PCLO: variants seen among roughly 807,000 people sequenced by gnomAD.
PCLO encodes the protein protein piccolo.
PCLO carries 82 observed loss-of-function variants against 427.5 expected under a neutral mutation model. The observed-to-expected ratio is 0.19, with a 90% CI of 0.16 to 0.23. The LOEUF (loss-of-function observed/expected upper bound fraction) is 0.23, where lower values mean the gene tolerates loss of function less well. Ranked by LOEUF, PCLO falls within the 10% of genes least tolerant of loss-of-function variation. PCLO has a pLI of 1.00. For missense variants in PCLO, 6,239 were observed against 6,115.9 expected (o/e 1.02, Z -0.67); for synonymous variants, 2,357 against 2,155.4 (o/e 1.09, Z -2.59).
chr7:83,093,492 A>ATTTTTTTTTTTTTTTT (rs1169852004), intron 3 of PCLO, among the ~76,000 whole-genome samples: 2 of 59,322 alleles, frequency 3.4e-5, no homozygotes, highest in African/African-American at 5.4e-5. Flanking sequence ...ATATATATAT[A>ATTTTTTTTTTTTTTTT]TTTTTTTTTT....
intron 3 of PCLO, among the ~76,000 whole-genome samples, chr7:83,064,058 A>G (rs1464101238): frequency 6.6e-6 from 1 of 152,062 alleles, no homozygotes; most frequent in East Asian, 1.9e-4. Flanking sequence ...GAGAATGGTA[A>G]GTTGAATTCA....
chr7:82,881,944 G>A (rs1309461560), intron 9 of PCLO, among the ~76,000 whole-genome samples: 2 of 151,978 alleles, frequency 1.3e-5, no homozygotes, highest in Non-Finnish European at 2.9e-5. Context: ...GTGCCCAGCT[G>A]CTATTGTTTC....
chr7:82,969,813 C>T (rs1300658918), intron 3 of PCLO, among the ~76,000 whole-genome samples: 1 of 151,936 alleles, frequency 6.6e-6, no homozygotes, highest in African/African-American at 2.4e-5. Flanking sequence ...AACAAAGAGA[C>T]GGAGATATTG....
At chr7:83,013,059 C>T (rs935118345) in intron 3 of PCLO, among the ~76,000 whole-genome samples, 8 of 152,092 alleles carry the variant, frequency 5.3e-5, no homozygotes, top group African/African-American at 1.9e-4. Context: ...ATACACCTTG[C>T]TGCTCAGCTT....
At chr7:83,074,839 G>A (rs1789910716) in intron 3 of PCLO, among the ~76,000 whole-genome samples, 1 of 152,120 alleles carries the variant, frequency 6.6e-6, no homozygotes, top group African/African-American at 2.4e-5. Flanking sequence ...TTCACAGGAA[G>A]AAAGGAGAAA....
At chr7:82,783,572 A>C (rs1790921144) in intron 22 of PCLO, among the ~76,000 whole-genome samples, 1 of 152,160 alleles carries the variant, frequency 6.6e-6, no homozygotes, top group Admixed American at 6.5e-5. Context: ...CAGTGAGCTG[A>C]GATCGCACCA....
intron 6 of PCLO, among the ~76,000 whole-genome samples, chr7:82,928,396 C>A (rs371408349): frequency 6.6e-6 from 1 of 151,944 alleles, no homozygotes. Flanking sequence ...TAACAGTGTC[C>A]ATTCACTTCA....
intron 3 of PCLO, among the ~76,000 whole-genome samples, chr7:83,013,118 T>C (rs1018150966): frequency 1.3e-5 from 2 of 152,088 alleles, no homozygotes; most frequent in Admixed American, 1.3e-4. Context: ...TCCAGCTAGG[T>C]ATATAAATAA....
intron 9 of PCLO, among the ~76,000 whole-genome samples, chr7:82,888,335 C>T (rs948361029): frequency 1.3e-4 from 20 of 151,992 alleles, no homozygotes; most frequent in Middle Eastern, 3.4e-3. Context: ...AGTTGGCTGA[C>T]GTGAAAAAAA....
Position 82,803,918 on chromosome 7 carries a change from C to G in PCLO, c.14933+1770G>C, listed in dbSNP as rs145108753. Among the ~76,000 whole-genome samples, 241 of 152,110 alleles carry G rather than the reference C, an allele frequency of 1.6e-3. 3 individuals are homozygous for G. The highest frequency in any genetic ancestry group is 4.7e-4 in the Non-Finnish European group (32 of 67,960). ...AGAGAAACAGGAAAATGGGAAAAAT[C>G]AAAATTAGAATGTGGTATATATATA... is the stretch of plus-strand genomic sequence containing the variant. On this transcript the variant is annotated intron_variant, in intron 21 of 24. Transcript: ENST00000333891.
intron 3 of PCLO, among the ~76,000 whole-genome samples, chr7:83,086,901 A>G (rs1050941735): frequency 3.3e-4 from 50 of 152,088 alleles, no homozygotes; most frequent in African/African-American, 1.1e-3. Context: ...AAAAAGGATG[A>G]GTTCATGTCC....
At chr7:83,003,319 G>A (rs1304535390) in intron 3 of PCLO, among the ~76,000 whole-genome samples, 1 of 151,464 alleles carries the variant, frequency 6.6e-6, no homozygotes, top group Non-Finnish European at 1.5e-5. Context: ...AAAAGACTAA[G>A]AATAAAATAT....
intron 10 of PCLO, among the ~76,000 whole-genome samples, chr7:82,866,081 T>C (rs1238331648): frequency 6.6e-6 from 1 of 152,196 alleles, no homozygotes; most frequent in Non-Finnish European, 1.5e-5. Context: ...TCTGTCTTGC[T>C]GTTCTTGGCA....
chr7:82,793,775 C>T lies in PCLO; in HGVS notation c.15007+7743G>A, dbSNP rs543018391. ...GCATGGCTATTGTCTTTAGATTCTC[C>T]TTATCTCATCATGGAAGTCCTCTAT... is the stretch of plus-strand genomic sequence containing the variant. On this transcript the variant is annotated intron_variant, in intron 22 of 24. Coordinates refer to ENST00000333891, the MANE Select transcript of PCLO (RefSeq NM_033026.6). Among the ~76,000 whole-genome samples, 16 of 152,234 alleles carry T rather than the reference C, an allele frequency of 1.1e-4. No individual in the cohort carries two copies. The South Asian group carries it at 3.1e-3, about 30-fold the overall frequency.
At chr7:82,936,158 C>A (rs1187827896) in intron 6 of PCLO, among the ~76,000 whole-genome samples, 1 of 151,512 alleles carries the variant, frequency 6.6e-6, no homozygotes, top group Non-Finnish European at 1.5e-5. Flanking sequence ...CTAGATAGAC[C>A]ATATGTTAGG....
chr7:83,146,273 G>A (rs1791991302), intron 2 of PCLO, among the ~76,000 whole-genome samples: 1 of 152,202 alleles, frequency 6.6e-6, no homozygotes. Context: ...GTGGACATAT[G>A]TGAGAGGCAG....
At position 83,000,345 on chromosome 7, in the gene PCLO, T is replaced by C. The variant is rs949831810; in HGVS notation, c.3301-33858A>G. ...TATAGAATTCTATACTCTGAAACTATCTCTACAAAGTAAAGGAGAAATAAA... is the reference window on the plus strand; with the variant it reads ...TATAGAATTCTATACTCTGAAACTACCTCTACAAAGTAAAGGAGAAATAAA... On this transcript the variant is annotated intron_variant, in intron 3 of 24. Coordinates refer to ENST00000333891, the MANE Select transcript of PCLO (RefSeq NM_033026.6). Among the ~76,000 whole-genome samples the C allele has an allele frequency of 2.0e-5, 3 of 151,392 alleles. No homozygotes were observed. In the Admixed American group the frequency reaches 2.0e-4, roughly 10 times the overall value.
In PCLO at chr7:82,933,971, T is replaced by C. The variant is rs576331284; in HGVS notation, c.11112+15505A>G. 3.9e-5 allele frequency among the ~76,000 whole-genome samples: 6 copies of C among 151,906 alleles called. No homozygotes were observed. In the East Asian group the frequency reaches 5.8e-4, roughly 15 times the overall value. ...TGTTGGGTTTGGTCTAGTGCCTCTCTGAAATCATTACATATGTTTACCTCA... is the reference window on the plus strand; with the variant it reads ...TGTTGGGTTTGGTCTAGTGCCTCTCCGAAATCATTACATATGTTTACCTCA... On this transcript the variant is annotated intron_variant, in intron 6 of 24. Transcript: ENST00000333891.
Position 83,135,307 on chromosome 7 carries a change from G to A in PCLO, c.2243C>T (p.Pro748Leu). The change falls in exon 3 of 25, where the codon CCT becomes CTT. Residue 748 changes from proline to leucine, a missense_variant. Around this residue, in one of 5 missense-constraint regions of PCLO, gnomAD observed 4,677 missense variants for 4,468.4 expected, o/e 1.05. Coordinates refer to ENST00000333891, the MANE Select transcript of PCLO (RefSeq NM_033026.6). ...CTGCTTTGGTTTATCATCAGCAACA[G>A]GGGCCTTGTCCTGCTCAGATGGGAC... ...PSVPSEQDKA[P>L]VADDKPKQPK... is the part of the protein sequence containing the mutation. 1 of 1,613,970 alleles carries A rather than the reference G, an allele frequency of 6.2e-7. No individual in the cohort carries two copies. The highest frequency in any genetic ancestry group is 2.2e-5 in the East Asian group (1 of 44,872).
Sources: allele counts gnomAD v4.1 joint callset (sites outside exome capture counted in the v4.1 genomes callset), GRCh38; gene constraint gnomAD v4.1.1; regional missense constraint gnomAD v4.1.1; transcripts MANE v1.5; gene names NCBI Gene and HGNC (gene_info 2026-07-23, HGNC 2026-07-21).